Variants in UVRAG observed in about 807,000 individuals in gnomAD.
The protein encoded by UVRAG is UV radiation resistance associated.
UVRAG carries 19 observed loss-of-function variants against 78.0 expected under a neutral mutation model. That is an observed-to-expected ratio of 0.24 (90% CI 0.17 to 0.36). UVRAG has a LOEUF of 0.36. Ranked by LOEUF, UVRAG falls within the 10% of genes least tolerant of loss-of-function variation. The pLI, the probability that UVRAG is intolerant of heterozygous loss-of-function variation, is 1.00. For missense variants in UVRAG, 740 were observed against 853.8 expected (o/e 0.87, Z 1.66); for synonymous variants, 323 against 324.6 (o/e 1.00, Z 0.05).
chr11:76,034,383 G>C (rs1950491455), intron 12 of UVRAG, among the ~76,000 whole-genome samples: 1 of 152,014 alleles, frequency 6.6e-6, no homozygotes, highest in African/African-American at 2.4e-5. Context: ...TTTTTTTGTA[G>C]AGATGAGTTC....
Position 75,978,574 on chromosome 11 carries a change from C to G in UVRAG, c.700-4813C>G, listed in dbSNP as rs548045324. Among the ~76,000 whole-genome samples the G allele has an allele frequency of 1.8e-3, 270 of 152,234 alleles. 1 individual carries two copies. Among genetic ancestry groups the G allele is most frequent in the Non-Finnish European group, 2.9e-3 (199 of 68,008 alleles). ...TGGAGGCTTTGTTCATTTCTTTTTA[C>G]TCTTTTTTCTCTAAACTTCTCTTCT... is the stretch of plus-strand genomic sequence containing the variant. On this transcript the variant is annotated intron_variant, in intron 7 of 14. Coordinates refer to ENST00000356136, the MANE Select transcript of UVRAG (RefSeq NM_003369.4).
chr11:76,122,424 T>A (rs1952300308), intron 14 of UVRAG, among the ~76,000 whole-genome samples: 1 of 152,330 alleles, frequency 6.6e-6, no homozygotes, highest in African/African-American at 2.4e-5. Context: ...TTAAGCTGCC[T>A]GCCTCAATCC....
chr11:75,964,729 C>T (rs150627510), intron 7 of UVRAG, among the ~76,000 whole-genome samples: 3 of 152,256 alleles, frequency 2.0e-5, no homozygotes, highest in Admixed American at 6.5e-5. Flanking sequence ...GGTGAAACCC[C>T]GTTTCTACTG....
chr11:76,076,206 A>G (rs1340579613), intron 13 of UVRAG, among the ~76,000 whole-genome samples: 1 of 152,176 alleles, frequency 6.6e-6, no homozygotes, highest in Admixed American at 6.5e-5. Flanking sequence ...CATTCCCACT[A>G]CTAATGTACA....
chr11:76,034,789 G>A (rs1248658419), intron 12 of UVRAG, among the ~76,000 whole-genome samples: 1 of 152,040 alleles, frequency 6.6e-6, no homozygotes, highest in African/African-American at 2.4e-5. Flanking sequence ...ACTTACAAAA[G>A]CATTAATTCT....
chr11:75,938,063 GTA>G, intron 6 of UVRAG, among the ~76,000 whole-genome samples: 1 of 150,154 alleles, frequency 6.7e-6, no homozygotes, highest in Middle Eastern at 3.6e-3. Flanking sequence ...ATATGTGTGT[GTA>G]TATATATGTA....
chr11:75,968,392 G>A (rs926227247), intron 7 of UVRAG, among the ~76,000 whole-genome samples: 1 of 152,116 alleles, frequency 6.6e-6, no homozygotes, highest in African/African-American at 2.4e-5. Flanking sequence ...GAAGATTATG[G>A]AACATTAAGA....
intron 3 of UVRAG, among the ~76,000 whole-genome samples, chr11:75,877,076 T>G (rs1321535350): frequency 6.6e-6 from 1 of 151,428 alleles, no homozygotes; most frequent in Non-Finnish European, 1.5e-5. Context: ...CCTTCAAGCA[T>G]CTGTTTAACA....
At chr11:76,126,251 AT>A (rs1332685027) in intron 14 of UVRAG, among the ~76,000 whole-genome samples, 1 of 152,182 alleles carries the variant, frequency 6.6e-6, no homozygotes, top group Non-Finnish European at 1.5e-5. Flanking sequence ...TGGCAGTCAC[AT>A]TTTTAAAAAG....
chr11:75,864,667 C>T lies in UVRAG; in HGVS notation c.270+2887C>T, dbSNP rs532870266. Among the ~76,000 whole-genome samples the T allele has an allele frequency of 3.9e-5, 6 of 152,330 alleles. No individual in the cohort carries two copies. The South Asian group carries it at 8.3e-4, about 21-fold the overall frequency. ...ACCATTGTGCTTGGCACACAGAAGA[C>T]GCTCAGCAAATGTTTCTTGAATAAA... On this transcript the variant is annotated intron_variant, in intron 3 of 14. Transcript: ENST00000356136.
intron 12 of UVRAG, among the ~76,000 whole-genome samples, chr11:76,049,082 G>C (rs1299799932): frequency 6.6e-6 from 1 of 152,214 alleles, no homozygotes; most frequent in African/African-American, 2.4e-5. Flanking sequence ...GCTATTGTTT[G>C]TGTAGTGTAT....
chr11:76,022,045 C>A (rs1950254144), intron 12 of UVRAG, among the ~76,000 whole-genome samples: 1 of 151,896 alleles, frequency 6.6e-6, no homozygotes, highest in East Asian at 1.9e-4. Flanking sequence ...CAGAGCAAGA[C>A]CCTGTCTCAA....
intron 3 of UVRAG, among the ~76,000 whole-genome samples, chr11:75,876,246 T>C (rs1437558601): frequency 6.6e-6 from 1 of 152,226 alleles, no homozygotes; most frequent in African/African-American, 2.4e-5. Context: ...TTATCAGAAA[T>C]GGATGGCTCC....
chr11:75,959,779 T>A (rs1948874981), intron 6 of UVRAG, among the ~76,000 whole-genome samples: 1 of 152,246 alleles, frequency 6.6e-6, no homozygotes, highest in African/African-American at 2.4e-5. Flanking sequence ...GTAAGCTTTG[T>A]CATTTCTAGC....
At chr11:75,950,605 A>C (rs1948672838) in intron 6 of UVRAG, among the ~76,000 whole-genome samples, 1 of 152,052 alleles carries the variant, frequency 6.6e-6, no homozygotes, top group East Asian at 1.9e-4. Flanking sequence ...GTGTATATTT[A>C]ACTTATTAGG....
chr11:75,938,759 A>G (rs150233122), intron 6 of UVRAG, among the ~76,000 whole-genome samples: 2 of 152,246 alleles, frequency 1.3e-5, no homozygotes, highest in East Asian at 3.9e-4. Context: ...ATTTCCTCAG[A>G]TGATTCACTG....
chr11:75,849,332 C>T (rs1377614475), intron 1 of UVRAG, among the ~76,000 whole-genome samples: 1 of 151,720 alleles, frequency 6.6e-6, no homozygotes, highest in Non-Finnish European at 1.5e-5. Context: ...AGTGAAACCC[C>T]CTCTCTACTA....
intron 1 of UVRAG, among the ~76,000 whole-genome samples, chr11:75,844,771 T>A (rs1945999284): frequency 6.6e-6 from 1 of 151,790 alleles, no homozygotes; most frequent in African/African-American, 2.4e-5. Flanking sequence ...TCATTTGGGC[T>A]CGGGTGATTC....
At position 76,118,909 on chromosome 11, in the gene UVRAG, A is replaced by G. The variant is rs148485491; in HGVS notation, c.1397+2894A>G. Among the ~76,000 whole-genome samples, 423 of 152,326 alleles carry G rather than the reference A, an allele frequency of 2.8e-3. 6 individuals are homozygous for G. Among genetic ancestry groups the G allele is most frequent in the African/African-American group, 9.7e-3 (405 of 41,586 alleles). ...CAGTTCATATAAGATAGGAGGAAGT[A>G]TCTCTATCTTAAAGGTATGGTAGAA... On this transcript the variant is annotated intron_variant, in intron 14 of 14. Coordinates refer to ENST00000356136, the MANE Select transcript of UVRAG (RefSeq NM_003369.4).
Sources: gnomAD v4.1 joint callset for allele counts (sites outside exome capture counted in the v4.1 genomes callset) on GRCh38, gnomAD v4.1.1 for gene constraint, MANE v1.5 for transcripts, NCBI Gene and HGNC (gene_info 2026-07-23, HGNC 2026-07-21) for gene names.